The following MPP4 variants were observed in gnomAD, a reference collection of about 807,000 sequenced individuals.
MPP4 encodes the protein MAGUK p55 scaffold protein 4.
A neutral mutation model predicts 98.3 loss-of-function variants in MPP4; 91 were observed. The observed-to-expected ratio is 0.93, with a 90% CI of 0.78 to 1.10. The LOEUF is 1.10. Among genes scored for constraint, MPP4 ranks in the 50% least tolerant of loss-of-function variants. The pLI, the probability that MPP4 is intolerant of heterozygous loss-of-function variation, is 0.00. For missense variants in MPP4, 744 were observed against 792.9 expected (o/e 0.94, Z 0.74); for synonymous variants, 261 against 271.8 (o/e 0.96, Z 0.39).
chr2:201,651,827 A>T (rs749113543), intron 18 of MPP4: 10 of 309,096 alleles, frequency 3.2e-5, no homozygotes, highest in Admixed American at 6.5e-5. Flanking sequence ...GGTGACGTAC[A>T]CCTGTAATCC....
chr2:201,650,491 C>T, intron 18 of MPP4: 1 of 985,420 alleles, frequency 1.0e-6, no homozygotes, highest in East Asian at 1.1e-4. Flanking sequence ...TGCCTGAAAG[C>T]TCCCAGGTAG....
rs1369659259 is a variant in MPP4 at position 201,650,074 on chromosome 2, GTGACTA to G, written c.1467_1472del (p.Ser490_His491del). On this transcript the variant is annotated inframe_deletion, in exon 19 of 22. Coordinates refer to ENST00000409474, the MANE Select transcript of MPP4 (RefSeq NM_033066.3). ...CAGCTTCTGAACCTCTACTTTACCT[GTGACTA>G]TATATGAGGTTTTCAAATGTTTCCT... 1.9e-6 allele frequency: 3 copies of G among 1,562,794 alleles called. No homozygotes were observed. In the East Asian group the frequency reaches 6.9e-5, roughly 36 times the overall value.
At chr2:201,691,646 T>C (rs1448690106) in intron 3 of MPP4, among the ~76,000 whole-genome samples, 1 of 152,100 alleles carries the variant, frequency 6.6e-6, no homozygotes, top group Non-Finnish European at 1.5e-5. Context: ...GCCTCCAGAG[T>C]AGCTGAGATT....
intron 17 of MPP4, 86 bp downstream of exon 17, chr2:201,656,112 T>G (rs1411689275): frequency 2.9e-6 from 4 of 1,402,898 alleles, no homozygotes; most frequent in East Asian, 5.2e-5. Flanking sequence ...GAGTTCTACT[T>G]TCACCATTAT....
chr2:201,693,732 G>A (rs977342680), intron 2 of MPP4, 144 bp downstream of exon 2: 3 of 899,312 alleles, frequency 3.3e-6, no homozygotes, highest in Middle Eastern at 2.6e-4. Flanking sequence ...AGTTATCACT[G>A]GTAGGGCAGT....
chr2:201,658,609 G>T, intron 15 of MPP4, 91 bp from the exon 16 acceptor site: 3 of 1,186,304 alleles, frequency 2.5e-6, no homozygotes, highest in South Asian at 2.8e-5. Flanking sequence ...CTTTTCAAGT[G>T]ACCACCTTAG....
chr2:201,685,124 C>T lies in MPP4; in HGVS notation c.514G>A (p.Glu172Lys), dbSNP rs755394529. 3.1e-6 allele frequency: 5 copies of T among 1,611,220 alleles called. No homozygotes were observed. In the Admixed American group the frequency reaches 5.0e-5, roughly 16 times the overall value. Residue 172 changes from glutamate to lysine, a missense_variant, in exon 7 of 22, where the codon GAG (glutamate) becomes AAG (lysine). By Grantham distance (56) the Glu-to-Lys change is moderately conservative. Transcript: ENST00000409474. ...GCCACCAAGATGTCCCCTGTCATCT[C>T]GTGGCGCTTGATGGTGGCTCCCTGA... ...QPLGATIKRH[E>K]MTGDILVARI...
chr2:201,682,663 C>G (rs989618528), intron 8 of MPP4, among the ~76,000 whole-genome samples, 168 bp downstream of exon 8: 1 of 152,074 alleles, frequency 6.6e-6, no homozygotes, highest in African/African-American at 2.4e-5. Context: ...GGAGGGAGGT[C>G]AGCAAGTGAC....
chr2:201,656,933 G>A (rs1228938870), intron 16 of MPP4, among the ~76,000 whole-genome samples: 2 of 152,242 alleles, frequency 1.3e-5, no homozygotes, highest in African/African-American at 4.8e-5. Flanking sequence ...TAGCTGCAGG[G>A]CGGTAAGCAA....
chr2:201,695,204 C>T (rs1333803825), intron 1 of MPP4, among the ~76,000 whole-genome samples: 1 of 152,136 alleles, frequency 6.6e-6, no homozygotes, highest in Non-Finnish European at 1.5e-5. Flanking sequence ...TTCTGTCTAC[C>T]TGCTCCAAGA....
intron 19 of MPP4, 131 bp downstream of exon 19, chr2:201,649,941 A>C (rs1471383640): frequency 1.1e-6 from 1 of 925,726 alleles, no homozygotes; most frequent in Non-Finnish European, 1.6e-6. Context: ...ATATCGATGT[A>C]CATTTCTTGC....
chr2:201,678,898 C>A (rs1276376778), intron 10 of MPP4, among the ~76,000 whole-genome samples: 1 of 152,164 alleles, frequency 6.6e-6, no homozygotes, highest in Admixed American at 6.5e-5. Context: ...GATTTTATCA[C>A]ACATACAAAT....
intron 8 of MPP4, among the ~76,000 whole-genome samples, chr2:201,682,274 G>C (rs1280840344): frequency 6.6e-6 from 1 of 152,164 alleles, no homozygotes; most frequent in Non-Finnish European, 1.5e-5. Flanking sequence ...GAATCTTGCA[G>C]CAGTGGCTTA....
At chr2:201,663,366 T>C (rs1010196469) in intron 14 of MPP4, among the ~76,000 whole-genome samples, 1 of 152,216 alleles carries the variant, frequency 6.6e-6, no homozygotes, top group Admixed American at 6.5e-5. Context: ...GGGACAGTAC[T>C]AGCCCTGTGA....
chr2:201,693,822 T>C, intron 2 of MPP4, 54 bp downstream of exon 2: 2 of 1,590,496 alleles, frequency 1.3e-6, no homozygotes, highest in Non-Finnish European at 1.7e-6. Flanking sequence ...TTTGATCACA[T>C]GTCAGAGGTG....
At position 201,675,216 on chromosome 2, in the gene MPP4, A is replaced by C. The variant is rs754371543; in HGVS notation, c.985T>G (p.Ser329Ala). 6.2e-7 allele frequency: 1 copy of C among 1,608,322 alleles called. No individual in the cohort carries two copies. The highest frequency in any genetic ancestry group is 1.1e-5 in the South Asian group (1 of 89,236). The change falls in exon 11 of 22, where the codon TCA (serine) becomes GCA (alanine). Residue 329 changes from serine to alanine, a missense_variant. Ser to Ala is a moderately conservative substitution (Grantham distance 99, BLOSUM62 1). Transcript: ENST00000409474. ...CAGTTGCAATACTCACATAGGGTTG[A>C]CTTGAGGCAGGTGTGAGGCTGGTAC... The part of the protein sequence containing the change: ...QPYQPHTCLK[S>A]TLSISMEEED...
At chr2:201,651,731 A>G (rs1279644640) in intron 18 of MPP4, 3 of 786,276 alleles carry the variant, frequency 3.8e-6, no homozygotes, top group East Asian at 2.5e-4. Context: ...AGGCGGGTGG[A>G]TCACCTGGGG....
chr2:201,662,859 T>C (rs1377973264), intron 14 of MPP4, among the ~76,000 whole-genome samples: 1 of 152,176 alleles, frequency 6.6e-6, no homozygotes, highest in African/African-American at 2.4e-5. Context: ...TGGAATTGGA[T>C]AAGTCATGTT....
At position 201,647,739 on chromosome 2, in the gene MPP4, C is replaced by G; in HGVS notation, c.1671G>C (p.Arg557=). ...PSNMRCMKQS[R]KNAKVITDYY... ...AGTCAGTAATAACCTTGGCATTTTT[C>G]CGAGATTGTTTCATACACCTCATAT... Residue 557 remains arginine, a synonymous_variant, in exon 21 of 22, where the codon CGG becomes CGC. Transcript: ENST00000409474. The G allele has an allele frequency of 6.2e-7, 1 of 1,613,904 alleles. No homozygotes were observed.
Sources: allele counts gnomAD v4.1 joint callset (sites outside exome capture counted in the v4.1 genomes callset), GRCh38; gene constraint gnomAD v4.1.1; transcripts MANE v1.5; gene names NCBI Gene and HGNC (gene_info 2026-07-23, HGNC 2026-07-21).